The following DYM variants were observed in gnomAD, a reference collection of about 807,000 sequenced individuals.
DYM encodes the protein dyggve-Melchior-Clausen syndrome protein.
Under a neutral mutation model 93.1 loss-of-function variants are expected in DYM, and 78 were observed. The observed-to-expected ratio is 0.84, with a 90% CI of 0.70 to 1.01. The LOEUF (loss-of-function observed/expected upper bound fraction) is 1.01, where lower values mean the gene tolerates loss of function less well. Ranked by LOEUF, DYM falls within the 50% of genes least tolerant of loss-of-function variation. The pLI is 0.00. For missense variants in DYM, 789 were observed against 845.0 expected (o/e 0.93, Z 0.82); for synonymous variants, 321 against 319.7 (o/e 1.00, Z -0.04).
intron 2 of DYM, among the ~76,000 whole-genome samples, chr18:49,404,641 G>A (rs4939581): frequency 0.61 from 92,908 of 151,988 alleles, 28,630 homozygotes; most frequent in Non-Finnish European, 0.66. Context: ...AAATCACTGC[G>A]GTTTTGATTT....
intron 13 of DYM, among the ~76,000 whole-genome samples, chr18:49,254,286 AT>A (rs2094346945): frequency 1.4e-3 from 1 of 720 alleles, no homozygotes; most frequent in Non-Finnish European, 6.3e-3. Context: ...TGTATCATAT[AT>A]ATATATATAT....
intron 15 of DYM, among the ~76,000 whole-genome samples, chr18:49,154,562 T>A (rs1029009764): frequency 6.6e-6 from 1 of 151,990 alleles, no homozygotes; most frequent in African/African-American, 2.4e-5. Flanking sequence ...GCTCAGCTAA[T>A]TTTTGTATTT....
intron 6 of DYM, among the ~76,000 whole-genome samples, chr18:49,343,438 T>TAA (rs1448532015): frequency 1.3e-5 from 2 of 152,222 alleles, no homozygotes; most frequent in Non-Finnish European, 2.9e-5. Context: ...TTGACTTTAT[T>TAA]ATAAGGTCCA....
rs2060188355 is a variant in DYM at position 49,292,355 on chromosome 18, G to GGCAGGCAGGCAGAC, written c.764-5740_764-5739insGTCTGCCTGCCTGC. On this transcript the variant is annotated intron_variant, in intron 8 of 17. Transcript: ENST00000675505. The stretch of plus-strand genomic sequence containing the variant: ...AGGCAGGCAGACAGACAGACAGACA[G>GGCAGGCAGGCAGAC]ACACACACACACACACACACACACA... Among the ~76,000 whole-genome samples, 10 of 84,744 alleles carry GGCAGGCAGGCAGAC rather than the reference G, an allele frequency of 1.2e-4. No homozygotes were observed. The East Asian group carries it at 2.1e-3, about 17-fold the overall frequency. 55.6% of individuals were successfully genotyped at this position (84,744 alleles called of 152,430 possible). A position where few individuals can be genotyped will look rare whatever the true frequency, so the allele number is the denominator to read the frequency against.
At chr18:49,405,301 A>T (rs1444454668) in intron 2 of DYM, among the ~76,000 whole-genome samples, 1 of 152,186 alleles carries the variant, frequency 6.6e-6, no homozygotes, top group African/African-American at 2.4e-5. Flanking sequence ...TTCAGAACTT[A>T]GTCACAAATT....
chr18:49,282,662 T>C (rs2095019626), intron 9 of DYM, among the ~76,000 whole-genome samples: 1 of 152,168 alleles, frequency 6.6e-6, no homozygotes, highest in Non-Finnish European at 1.5e-5. Context: ...CAAAGTCATA[T>C]ACTTTGACTT....
At chr18:49,151,583 G>A (rs532333406) in intron 15 of DYM, among the ~76,000 whole-genome samples, 9 of 152,186 alleles carry the variant, frequency 5.9e-5, no homozygotes, top group Admixed American at 1.3e-4. Flanking sequence ...CATAATAGCC[G>A]AATTAAAGGA....
chr18:49,249,578 C>A (rs2094243063), intron 13 of DYM, among the ~76,000 whole-genome samples: 1 of 152,112 alleles, frequency 6.6e-6, no homozygotes. Context: ...TTCTTTAATT[C>A]CATGAGCCTG....
Position 49,037,627 on chromosome 18 carries a change from G to GT in DYM, c.*6427dup. Among the ~76,000 whole-genome samples, 1 of 152,006 alleles carries GT rather than the reference G, an allele frequency of 6.6e-6. No individual in the cohort carries two copies. Among genetic ancestry groups the GT allele is most frequent in the African/African-American group, 2.4e-5 (1 of 41,402 alleles). ...GCATAGTTTTATTTGCATCCCACAAGTTTTTTCTCTGTTTTGATATGTAGT... is the reference window on the plus strand; with the variant it reads ...GCATAGTTTTATTTGCATCCCACAAGTTTTTTTCTCTGTTTTGATATGTAGT... On this transcript the variant is annotated 3_prime_UTR_variant, in exon 18 of 18. Coordinates refer to ENST00000675505, the MANE Select transcript of DYM (RefSeq NM_001353214.3).
At chr18:49,066,122 C>T (rs1173791902) in intron 17 of DYM, among the ~76,000 whole-genome samples, 6 of 149,952 alleles carry the variant, frequency 4.0e-5, no homozygotes, top group Non-Finnish European at 5.9e-5. Context: ...AAAGTAATCG[C>T]GTTTTTTGCC....
At chr18:49,299,475 A>ATGTT (rs1321445435) in intron 8 of DYM, among the ~76,000 whole-genome samples, 2 of 152,170 alleles carry the variant, frequency 1.3e-5, no homozygotes, top group African/African-American at 4.8e-5. Context: ...CAAACAAAAC[A>ATGTT]AGCCCTGTTC....
intron 5 of DYM, among the ~76,000 whole-genome samples, chr18:49,364,367 C>T (rs1412008396): frequency 3.3e-5 from 5 of 152,156 alleles, no homozygotes; most frequent in Admixed American, 2.0e-4. Context: ...ATTGCTTGAA[C>T]CCGGGAGGAA....
chr18:49,275,487 G>T (rs2094827554), intron 10 of DYM, among the ~76,000 whole-genome samples: 1 of 152,072 alleles, frequency 6.6e-6, no homozygotes. Flanking sequence ...TAATCATCTT[G>T]TCAATCTCTA....
chr18:49,281,881 C>A, intron 10 of DYM, 116 bp downstream of exon 10: 2 of 1,000,960 alleles, frequency 2.0e-6, no homozygotes, highest in Non-Finnish European at 2.9e-6. Flanking sequence ...TGCAGCACAC[C>A]AACATGGCAC....
intron 10 of DYM, among the ~76,000 whole-genome samples, chr18:49,273,968 C>G (rs1226639197): frequency 6.6e-6 from 1 of 151,990 alleles, no homozygotes; most frequent in African/African-American, 2.4e-5. Context: ...TCCAATGAGA[C>G]TATGTCAGAA....
At chr18:49,289,741 A>ATATATATATGTGTG (rs2059932343) in intron 8 of DYM, among the ~76,000 whole-genome samples, 1 of 29,096 alleles carries the variant, frequency 3.4e-5, no homozygotes, top group Non-Finnish European at 6.2e-5. Flanking sequence ...ATATATATAT[A>ATATATATATGTGTG]TATATATATA....
chr18:49,242,998 C>T (rs992864259), intron 13 of DYM, among the ~76,000 whole-genome samples: 1 of 152,176 alleles, frequency 6.6e-6, no homozygotes, highest in Admixed American at 6.5e-5. Context: ...CCGCACCCGG[C>T]CTATACCTAG....
chr18:49,228,979 C>T (rs577423421), intron 13 of DYM, among the ~76,000 whole-genome samples: 35 of 152,090 alleles, frequency 2.3e-4, no homozygotes, highest in African/African-American at 8.4e-4. Context: ...CTATTTTGTA[C>T]ATAATTTTTA....
chr18:49,202,101 T>C (rs1368448674), intron 14 of DYM, among the ~76,000 whole-genome samples: 2 of 152,202 alleles, frequency 1.3e-5, no homozygotes, highest in Non-Finnish European at 2.9e-5. Flanking sequence ...CCGAAAACTT[T>C]CTTTCCAGCT....
Sources: gnomAD v4.1 joint callset for allele counts (sites outside exome capture counted in the v4.1 genomes callset) on GRCh38, gnomAD v4.1.1 for gene constraint, MANE v1.5 for transcripts, NCBI Gene and HGNC (gene_info 2026-07-23, HGNC 2026-07-21) for gene names.